The following SLF2 variants were observed in gnomAD, a reference collection of about 807,000 sequenced individuals.
SLF2 encodes SMC5-SMC6 complex localization factor protein 2.
A neutral mutation model predicts 124.3 loss-of-function variants in SLF2; 68 were observed. The observed-to-expected ratio is 0.55, with a 90% CI of 0.45 to 0.67. The LOEUF is 0.67. Ranked by LOEUF, SLF2 falls within the 30% of genes least tolerant of loss-of-function variation. The probability of loss-of-function intolerance (pLI) is 0.00; values close to 1 mark genes in which losing one functional copy is unlikely to be tolerated. For synonymous variants in SLF2, 480 were observed against 478.8 expected, an observed-to-expected ratio of 1.00 and a Z score of -0.03; for missense variants, 1,246 against 1,373.7, an observed-to-expected ratio of 0.91 and a Z score of 1.47.
Position 100,924,122 on chromosome 10 carries a change from T to G in SLF2, c.1121T>G (p.Phe374Cys), listed in dbSNP as rs747339032. 1 of 1,612,992 alleles carries G rather than the reference T, an allele frequency of 6.2e-7. No homozygotes were observed. The highest frequency in any genetic ancestry group is 8.5e-7 in the Non-Finnish European group (1 of 1,179,754). Residue 374 changes from phenylalanine to cysteine, a missense_variant, in exon 5 of 20, where the codon TTT becomes TGT. Around this residue, in one of 3 missense-constraint regions of SLF2, gnomAD observed 698 missense variants for 708.9 expected, o/e 0.98. Coordinates refer to ENST00000238961, the MANE Select transcript of SLF2 (RefSeq NM_018121.4). ...GATGGACCACATCAGAAAGAAAAAT[T>G]TATAAAACATATTGCACTGAAGACA... ...RPDGPHQKEK[F>C]IKHIALKTPG... is the part of the protein sequence containing the mutation.
At chr10:100,955,134 T>C (rs1850305170) in intron 17 of SLF2, among the ~76,000 whole-genome samples, 1 of 151,364 alleles carries the variant, frequency 6.6e-6, no homozygotes. Flanking sequence ...TAGAGACGGG[T>C]TTTCACCATG....
At chr10:100,954,890 G>A (rs561894654) in intron 17 of SLF2, among the ~76,000 whole-genome samples, 103 of 151,890 alleles carry the variant, frequency 6.8e-4, no homozygotes, top group African/African-American at 2.4e-3. Flanking sequence ...AAGGTGCAGT[G>A]AGCTATGATC....
At position 100,929,290 on chromosome 10, in the gene SLF2, T is replaced by C. The variant is rs532962268; in HGVS notation, c.2043-27T>C. ...TTTTAAAAATATTTTTAGAGTAAAC[T>C]GTTATAACATTCTTTCCAATTCTCA... On this transcript the variant is annotated intron_variant, in intron 6 of 19. Coordinates refer to ENST00000238961, the MANE Select transcript of SLF2 (RefSeq NM_018121.4). The C allele has an allele frequency of 7.0e-6, 11 of 1,579,326 alleles. No individual in the cohort carries two copies. The African/African-American group carries it at 8.2e-5, about 12-fold the overall frequency.
At chr10:100,918,178 A>C (rs1221065959) in intron 3 of SLF2, among the ~76,000 whole-genome samples, 1 of 152,268 alleles carries the variant, frequency 6.6e-6, no homozygotes, top group Non-Finnish European at 1.5e-5. Context: ...TGATATTTTT[A>C]CATGTTTATG....
Position 100,944,035 on chromosome 10 carries a change from A to C in SLF2, c.2664A>C (p.Thr888=). ...DFNEDYLVSE[T]QTTSRGKESE... Reference sequence around the variant, plus strand: ...ACTCACTTCTCAATAGTTCTGAAACACAGACAACATCAAGGGGGAAAGAAA... The same window carrying C: ...ACTCACTTCTCAATAGTTCTGAAACCCAGACAACATCAAGGGGGAAAGAAA... The change falls in exon 12 of 20, where the codon ACA becomes ACC. Residue 888 remains threonine (T), a synonymous_variant. Transcript: ENST00000238961. The C allele has an allele frequency of 6.2e-7, 1 of 1,609,878 alleles. No individual in the cohort carries two copies. Among genetic ancestry groups the C allele is most frequent in the Middle Eastern group, 1.7e-4 (1 of 6,038 alleles).
chr10:100,946,984 T>C, intron 13 of SLF2, 55 bp from the exon 14 acceptor site: 1 of 1,306,172 alleles, frequency 7.7e-7, no homozygotes, highest in Non-Finnish European at 1.1e-6. Flanking sequence ...ATCTGTTGGG[T>C]GTTTTATTCT....
At chr10:100,940,087 T>C (rs1279345399) in intron 11 of SLF2, among the ~76,000 whole-genome samples, 2 of 152,250 alleles carry the variant, frequency 1.3e-5, no homozygotes, top group African/African-American at 2.4e-5. Flanking sequence ...CTGCATAATA[T>C]AAACATTTAA....
In SLF2 at chr10:100,950,183, T is replaced by C. The variant is rs753591201; in HGVS notation, c.3228T>C (p.Ser1076=). The change falls in exon 16 of 20, where the codon AGT becomes AGC. Residue 1076 remains serine, a synonymous_variant. Transcript: ENST00000238961. ...AEQPDGIIDD[S]LHLELEKQAY... ...AACCAGATGGCATTATTGATGACAG[T>C]CTTCATTTAGAACTTGAAAAGCAGG... The C allele has an allele frequency of 6.2e-7, 1 of 1,613,630 alleles. No homozygotes were observed. The highest frequency in any genetic ancestry group is 1.1e-5 in the South Asian group (1 of 91,010).
chr10:100,928,275 G>A (rs1849658019), intron 6 of SLF2, among the ~76,000 whole-genome samples: 1 of 152,078 alleles, frequency 6.6e-6, no homozygotes, highest in South Asian at 2.1e-4. Context: ...AAGTTGGTAT[G>A]TGCTACATAT....
intron 18 of SLF2, among the ~76,000 whole-genome samples, chr10:100,957,350 T>G (rs796384317): frequency 1.6e-5 from 2 of 128,472 alleles, no homozygotes; most frequent in African/African-American, 3.1e-5. Context: ...TTTTTTTTTT[T>G]TTTTTTTTTT....
chr10:100,942,719 A>G (rs1312717276), intron 11 of SLF2, among the ~76,000 whole-genome samples: 3 of 152,118 alleles, frequency 2.0e-5, no homozygotes, highest in Non-Finnish European at 4.4e-5. Flanking sequence ...GGGTTTCACC[A>G]TGTTGGCCAG....
At chr10:100,940,212 G>C (rs1427777262) in intron 11 of SLF2, among the ~76,000 whole-genome samples, 2 of 152,194 alleles carry the variant, frequency 1.3e-5, no homozygotes, top group African/African-American at 4.8e-5. Flanking sequence ...TACAGTAGTG[G>C]AAATAAACTG....
chr10:100,924,397 A>G lies in SLF2; in HGVS notation c.1396A>G (p.Thr466Ala), dbSNP rs1439299746. ...LQKNKTASST[T>A]KEKETKLPLL... is the part of the protein sequence containing the mutation. The stretch of plus-strand genomic sequence containing the variant: ...GAAAAATAAAACCGCTAGCTCCACG[A>G]CAAAGGAGAAGGAGACAAAACTACC... Residue 466 changes from threonine to alanine, a missense_variant, in exon 5 of 20, where the codon ACA (threonine) becomes GCA (alanine). By Grantham distance (58) the Thr-to-Ala change is moderately conservative. Transcript: ENST00000238961. 1 of 1,614,192 alleles carries G rather than the reference A, an allele frequency of 6.2e-7. No homozygotes were observed. Among genetic ancestry groups the G allele is most frequent in the Admixed American group, 1.7e-5 (1 of 60,024 alleles).
chr10:100,953,840 C>T (rs1463565150), intron 17 of SLF2, among the ~76,000 whole-genome samples: 6 of 151,838 alleles, frequency 4.0e-5, no homozygotes, highest in African/African-American at 1.2e-4. Context: ...TTGGTAGAGA[C>T]GGGGTTTCAT....
In SLF2 at chr10:100,930,995, AT is replaced by A. The variant is rs1007972651; in HGVS notation, c.2360del (p.Leu787Ter). Reference protein sequence around the residue: ...LILKSGKTDQIFLTTQGFLTS... With the variant: ...LILKSGKTDQXFLTTQGFLTS... Reference sequence around the variant, plus strand: ...TTTCAGATCGGGAAAAACAGATCAGATTTTTTTGACAACACAAGGTTTCCTT... The same window carrying A: ...TTTCAGATCGGGAAAAACAGATCAGATTTTTTGACAACACAAGGTTTCCTT... On this transcript the variant is annotated frameshift_variant, in exon 9 of 20. Transcript: ENST00000238961. LOFTEE classifies it high-confidence loss of function. 2 of 1,613,914 alleles carry A rather than the reference AT, an allele frequency of 1.2e-6. No homozygotes were observed. Among genetic ancestry groups the A allele is most frequent in the South Asian group, 1.1e-5 (1 of 91,070 alleles).
At position 100,924,384 on chromosome 10, in the gene SLF2, C is replaced by T. The variant is rs141433125; in HGVS notation, c.1383C>T (p.Thr461=). 90 of 1,613,910 alleles carry T rather than the reference C, an allele frequency of 5.6e-5. No homozygotes were observed. Among genetic ancestry groups the T allele is most frequent in the Middle Eastern group, 1.6e-4 (1 of 6,084 alleles). Reference sequence around the variant, plus strand: ...CTAGCAACCTTCAGAAAAATAAAACCGCTAGCTCCACGACAAAGGAGAAGG... The same window carrying T: ...CTAGCAACCTTCAGAAAAATAAAACTGCTAGCTCCACGACAAAGGAGAAGG... ...KKASNLQKNK[T]ASSTTKEKET... is the part of the protein sequence containing the mutation. Residue 461 remains threonine (T), a synonymous_variant, in exon 5 of 20, where the codon ACC becomes ACT. Coordinates refer to ENST00000238961, the MANE Select transcript of SLF2 (RefSeq NM_018121.4).
At position 100,917,266 on chromosome 10, in the gene SLF2, A is replaced by G; in HGVS notation, c.881A>G (p.Asp294Gly). The G allele has an allele frequency of 6.2e-7, 1 of 1,611,546 alleles. No individual in the cohort carries two copies. Among genetic ancestry groups the G allele is most frequent in the Non-Finnish European group, 8.5e-7 (1 of 1,179,222 alleles). ...AGGCAGGAACAAAGGAAACAGAATGACATCATACCTGGAAAAAATAATCTG... is the reference window on the plus strand; with the variant it reads ...AGGCAGGAACAAAGGAAACAGAATGGCATCATACCTGGAAAAAATAATCTG... ...KPRQEQRKQN[D>G]IIPGKNNLSN... The change falls in exon 3 of 20, where the codon GAC becomes GGC. Residue 294 changes from aspartate to glycine, a missense_variant. Asp to Gly is a moderately conservative substitution (Grantham distance 94). Around this residue, in one of 3 missense-constraint regions of SLF2, gnomAD observed 698 missense variants for 708.9 expected, o/e 0.98. Transcript: ENST00000238961.
At chr10:100,916,081 G>A (rs1564768525) in intron 2 of SLF2, 39 bp downstream of exon 2, 10 of 1,556,228 alleles carry the variant, frequency 6.4e-6, no homozygotes, top group Non-Finnish European at 8.0e-6. Flanking sequence ...GGGCTATTTT[G>A]GGGGTGAGGA....
intron 11 of SLF2, among the ~76,000 whole-genome samples, chr10:100,940,715 C>T (rs1359826722): frequency 7.6e-6 from 1 of 132,202 alleles, no homozygotes; most frequent in African/African-American, 3.0e-5. Flanking sequence ...TCTTCTCTTC[C>T]TTCCCCTCCT....
Sources: allele counts gnomAD v4.1 joint callset (sites outside exome capture counted in the v4.1 genomes callset), GRCh38; gene constraint gnomAD v4.1.1; regional missense constraint gnomAD v4.1.1; transcripts MANE v1.5; gene names NCBI Gene and HGNC (gene_info 2026-07-23, HGNC 2026-07-21).